The following KATNAL2 variants were observed in gnomAD, a reference collection of about 807,000 sequenced individuals.
KATNAL2 encodes the protein katanin p60 ATPase-containing subunit A-like 2.
In KATNAL2, 52 loss-of-function variants were observed where a neutral mutation model predicts 76.3. The ratio of observed to expected loss-of-function variants is 0.68; its 90% CI spans 0.55 to 0.86. KATNAL2 has a LOEUF of 0.86. KATNAL2 is among the 40% of genes least tolerant of loss of function. The probability of loss-of-function intolerance (pLI) is 0.00; values close to 1 mark genes in which losing one functional copy is unlikely to be tolerated. For missense variants in KATNAL2, 660 were observed against 668.9 expected (o/e 0.99, Z 0.15); for synonymous variants, 243 against 244.2 (o/e 1.00, Z 0.05).
chr18:47,043,758 T>C (rs1482721522), intron 3 of KATNAL2, among the ~76,000 whole-genome samples: 5 of 152,128 alleles, frequency 3.3e-5, no homozygotes, highest in Non-Finnish European at 7.3e-5. Flanking sequence ...TGTTAGTGTT[T>C]TGATTATTAA....
At chr18:47,100,721 C>T in intron 17 of KATNAL2, 145 bp from the exon 18 acceptor site, 1 of 1,028,758 alleles carries the variant, frequency 9.7e-7, no homozygotes, top group Admixed American at 2.6e-5. Context: ...TTTTCCCCAG[C>T]CCTCTTTAGT....
At chr18:47,079,198 T>A (rs1349496642) in intron 15 of KATNAL2, among the ~76,000 whole-genome samples, 1 of 152,152 alleles carries the variant, frequency 6.6e-6, no homozygotes, top group Non-Finnish European at 1.5e-5. Context: ...TGAAGAAAAA[T>A]AAGGACTTTT....
chr18:47,069,068 T>G, intron 11 of KATNAL2, 152 bp from the exon 12 acceptor site: 2 of 563,738 alleles, frequency 3.5e-6, no homozygotes, highest in Non-Finnish European at 6.4e-6. Context: ...TCTGTTTATT[T>G]CGGTCAGAAG....
At chr18:47,089,402 A>G (rs971298582) in intron 15 of KATNAL2, among the ~76,000 whole-genome samples, 2 of 152,194 alleles carry the variant, frequency 1.3e-5, no homozygotes, top group Non-Finnish European at 2.9e-5. Context: ...TTCTGGCAAG[A>G]GTAATTGAGG....
chr18:46,952,872 C>A (rs901012928), intron 3 of KATNAL2, among the ~76,000 whole-genome samples: 1 of 149,558 alleles, frequency 6.7e-6, no homozygotes, highest in Non-Finnish European at 1.5e-5. Context: ...CCCTCCCTCC[C>A]TCCCTGCTTC....
chr18:47,089,100 T>C (rs1352015554), intron 15 of KATNAL2, among the ~76,000 whole-genome samples: 1 of 152,200 alleles, frequency 6.6e-6, no homozygotes, highest in Non-Finnish European at 1.5e-5. Context: ...GGACCTTCTA[T>C]GCCATTCTAC....
chr18:47,043,894 T>C (rs1442166782), intron 3 of KATNAL2, among the ~76,000 whole-genome samples: 3 of 152,114 alleles, frequency 2.0e-5, no homozygotes, highest in Non-Finnish European at 2.9e-5. Context: ...AACTTTTATA[T>C]GGTCCTAATA....
chr18:47,034,152 A>T, intron 3 of KATNAL2: 1 of 1,614,206 alleles, frequency 6.2e-7, no homozygotes, highest in Non-Finnish European at 8.5e-7. Context: ...CCTCAGCCAT[A>T]TCTACCTCCT....
intron 15 of KATNAL2, among the ~76,000 whole-genome samples, chr18:47,095,376 G>GA (rs1361855338): frequency 6.6e-6 from 1 of 152,134 alleles, no homozygotes; most frequent in East Asian, 1.9e-4. Flanking sequence ...GGAGATAACT[G>GA]AATCATAGGG....
chr18:47,045,130 A>G (rs894044949), intron 3 of KATNAL2, among the ~76,000 whole-genome samples: 1 of 152,090 alleles, frequency 6.6e-6, no homozygotes, highest in African/African-American at 2.4e-5. Flanking sequence ...AAAAATGGTT[A>G]AAATGGTAAA....
chr18:47,037,484 C>A (rs764935958), intron 3 of KATNAL2, among the ~76,000 whole-genome samples: 1 of 152,162 alleles, frequency 6.6e-6, no homozygotes, highest in Non-Finnish European at 1.5e-5. Flanking sequence ...CAGGGGCACA[C>A]CATCTCTTAC....
At chr18:46,953,237 T>C (rs1387495802) in intron 3 of KATNAL2, among the ~76,000 whole-genome samples, 1 of 152,218 alleles carries the variant, frequency 6.6e-6, no homozygotes, top group Non-Finnish European at 1.5e-5. Flanking sequence ...ACATTTTCTC[T>C]GTTTCCCCTT....
intron 1 of KATNAL2, among the ~76,000 whole-genome samples, chr18:46,945,628 G>T (rs538667695): frequency 3.9e-5 from 6 of 152,302 alleles, no homozygotes; most frequent in African/African-American, 1.4e-4. Flanking sequence ...ACTCTATCTA[G>T]AACTACTTAT....
intron 3 of KATNAL2, among the ~76,000 whole-genome samples, chr18:46,952,890 C>CTTTTTTT (rs35782374): frequency 4.3e-5 from 4 of 93,076 alleles, no homozygotes; most frequent in African/African-American, 8.5e-5. Flanking sequence ...TTCCTTCCTT[C>CTTTTTTT]TTTTTTTTTT....
intron 15 of KATNAL2, among the ~76,000 whole-genome samples, chr18:47,097,928 G>C (rs575338187): frequency 1.6e-4 from 24 of 152,230 alleles, no homozygotes; most frequent in African/African-American, 5.1e-4. Flanking sequence ...CTGAGCATTA[G>C]ACACATCACA....
At chr18:47,069,083 C>T in intron 11 of KATNAL2, 137 bp from the exon 12 acceptor site, 4 of 609,254 alleles carry the variant, frequency 6.6e-6, no homozygotes, top group Non-Finnish European at 1.2e-5. Flanking sequence ...CAGAAGCAGA[C>T]AACCTTAAGC....
At chr18:47,086,764 A>G (rs1260031949) in intron 15 of KATNAL2, among the ~76,000 whole-genome samples, 1 of 152,234 alleles carries the variant, frequency 6.6e-6, no homozygotes, top group Non-Finnish European at 1.5e-5. Flanking sequence ...CCATATGACG[A>G]GGAAAGAAGT....
At chr18:47,097,118 C>CA (rs58101085) in intron 15 of KATNAL2, among the ~76,000 whole-genome samples, 2,170 of 70,504 alleles carry the variant, frequency 0.031, 27 homozygotes, top group East Asian at 0.055. Flanking sequence ...GACCCTGGCT[C>CA]AAAAAAAAAA....
At chr18:47,081,215 C>T (rs907717804) in intron 15 of KATNAL2, among the ~76,000 whole-genome samples, 5 of 151,846 alleles carry the variant, frequency 3.3e-5, no homozygotes, top group Admixed American at 2.6e-4. Flanking sequence ...TCTCATTTCC[C>T]AAGTCTTGGA....
Sources: gnomAD v4.1 joint callset for allele counts (sites outside exome capture counted in the v4.1 genomes callset) on GRCh38, gnomAD v4.1.1 for gene constraint, MANE v1.5 for transcripts, NCBI Gene and HGNC (gene_info 2026-07-23, HGNC 2026-07-21) for gene names.